Variants in GPC6 observed in about 807,000 individuals in gnomAD.
GPC6 encodes glypican 6.
GPC6 carries 14 observed loss-of-function variants against 55.2 expected under a neutral mutation model. The observed-to-expected ratio is 0.25, with a 90% CI of 0.17 to 0.40. The LOEUF is 0.40. Ranked by LOEUF, GPC6 falls within the 10% of genes least tolerant of loss-of-function variation. GPC6 has a pLI of 1.00. For synonymous variants in GPC6, 278 were observed against 259.6 expected, an observed-to-expected ratio of 1.07 and a Z score of -0.68; for missense variants, 641 against 708.5, an observed-to-expected ratio of 0.90 and a Z score of 1.08.
At position 93,407,090 on chromosome 13, in the gene GPC6, C is replaced by A. The variant is rs140516407; in HGVS notation, c.161-138173C>A. On this transcript the variant is annotated intron_variant, in intron 1 of 8. Transcript: ENST00000377047. ...ATTGTTGTATCACTGTATTGTATCA[C>A]CAATGTTAAGTTTCTTTATGTGATT... 1.9e-3 allele frequency among the ~76,000 whole-genome samples: 293 copies of A among 152,112 alleles called. 2 individuals are homozygous for A. In the Middle Eastern group the frequency reaches 0.048, roughly 25 times the overall value.
intron 1 of GPC6, among the ~76,000 whole-genome samples, chr13:93,345,502 A>G (rs1390698513): frequency 6.6e-6 from 1 of 152,010 alleles, no homozygotes; most frequent in Non-Finnish European, 1.5e-5. Flanking sequence ...TAAATGAATG[A>G]AAAAAAATTA....
At chr13:93,547,049 G>A (rs1874827361) in intron 2 of GPC6, among the ~76,000 whole-genome samples, 2 of 152,022 alleles carry the variant, frequency 1.3e-5, no homozygotes, top group South Asian at 2.1e-4. Flanking sequence ...AGACTGAGCC[G>A]GCCAGGCATG....
At chr13:93,281,776 A>G (rs897192987) in intron 1 of GPC6, among the ~76,000 whole-genome samples, 11 of 152,216 alleles carry the variant, frequency 7.2e-5, no homozygotes, top group Non-Finnish European at 1.6e-4. Context: ...CGATCATGCC[A>G]GTGTACTCCA....
At chr13:93,603,087 G>A (rs1481382028) in intron 2 of GPC6, among the ~76,000 whole-genome samples, 2 of 151,758 alleles carry the variant, frequency 1.3e-5, no homozygotes, top group Non-Finnish European at 2.9e-5. Flanking sequence ...ACAGCTCACT[G>A]TAGCCTCAAC....
At chr13:93,909,699 G>A (rs1291745188) in intron 3 of GPC6, among the ~76,000 whole-genome samples, 2 of 122,696 alleles carry the variant, frequency 1.6e-5, no homozygotes, top group East Asian at 4.5e-4. Context: ...TATATTGAAT[G>A]GAAGCAGAAG....
intron 3 of GPC6, among the ~76,000 whole-genome samples, chr13:93,882,097 C>CT (rs1340566744): frequency 2.0e-5 from 3 of 147,528 alleles, no homozygotes; most frequent in Admixed American, 1.4e-4. Flanking sequence ...TTCTTTCTTT[C>CT]TTTTCTTTCG....
intron 4 of GPC6, among the ~76,000 whole-genome samples, chr13:94,133,571 G>T (rs1264515699): frequency 1.3e-5 from 2 of 152,152 alleles, no homozygotes; most frequent in Non-Finnish European, 2.9e-5. Flanking sequence ...AGAGCACTGA[G>T]AAATTCAGCT....
At chr13:93,472,739 G>A (rs547993626) in intron 1 of GPC6, among the ~76,000 whole-genome samples, 5 of 152,312 alleles carry the variant, frequency 3.3e-5, no homozygotes, top group Admixed American at 2.6e-4. Flanking sequence ...GCATCTTTCT[G>A]CCCTGTTTGT....
chr13:94,039,738 A>G (rs1264084644), intron 4 of GPC6, among the ~76,000 whole-genome samples: 3 of 151,874 alleles, frequency 2.0e-5, no homozygotes, highest in South Asian at 2.1e-4. Context: ...CAACGTAATC[A>G]ACTCTGACAG....
chr13:93,412,365 G>C (rs1326805274), intron 1 of GPC6, among the ~76,000 whole-genome samples: 2 of 152,090 alleles, frequency 1.3e-5, no homozygotes, highest in Non-Finnish European at 2.9e-5. Flanking sequence ...ATTAAAAAAT[G>C]TCAGGCCAAG....
At chr13:93,651,277 G>A (rs1019403711) in intron 2 of GPC6, among the ~76,000 whole-genome samples, 14 of 148,382 alleles carry the variant, frequency 9.4e-5, no homozygotes, top group African/African-American at 3.5e-4. Flanking sequence ...TTTTCATTTC[G>A]TTACTTTAGG....
chr13:93,867,321 A>C (rs1158648951), intron 3 of GPC6, among the ~76,000 whole-genome samples: 1 of 151,712 alleles, frequency 6.6e-6, no homozygotes, highest in Non-Finnish European at 1.5e-5. Context: ...ACATTGAGGT[A>C]GGGCATGACA....
rs1885727910 is a variant in GPC6 at position 94,098,024 on chromosome 13, C to T, written c.877+70130C>T. Among the ~76,000 whole-genome samples the T allele has an allele frequency of 2.0e-5, 3 of 152,294 alleles. No homozygotes were observed. The South Asian group carries it at 6.2e-4, about 32-fold the overall frequency. Reference sequence around the variant, plus strand: ...AACTAAAAGCACTGACACAAGTTCTCAGGCTCTGAGAAAAAATGTAAGTAG... The same window carrying T: ...AACTAAAAGCACTGACACAAGTTCTTAGGCTCTGAGAAAAAATGTAAGTAG... On this transcript the variant is annotated intron_variant, in intron 4 of 8. Transcript: ENST00000377047.
chr13:94,292,715 T>C (rs77078829), intron 5 of GPC6, among the ~76,000 whole-genome samples: 2,383 of 152,270 alleles, frequency 0.016, 31 homozygotes, highest in East Asian at 0.036. Flanking sequence ...TCACATCATA[T>C]CTAGGAGAAG....
chr13:93,273,521 G>A (rs1877617870), intron 1 of GPC6, among the ~76,000 whole-genome samples: 2 of 152,062 alleles, frequency 1.3e-5, no homozygotes, highest in South Asian at 2.1e-4. Context: ...AGCCGGGCGT[G>A]GTGGTGGGCG....
chr13:94,068,759 T>C (rs1266040869), intron 4 of GPC6, among the ~76,000 whole-genome samples: 1 of 152,154 alleles, frequency 6.6e-6, no homozygotes, highest in Non-Finnish European at 1.5e-5. Context: ...TCCAAAATGA[T>C]CTCCTTTGAC....
intron 1 of GPC6, among the ~76,000 whole-genome samples, chr13:93,459,614 C>A (rs1416204246): frequency 3.3e-5 from 5 of 151,926 alleles, no homozygotes; most frequent in Non-Finnish European, 7.4e-5. Flanking sequence ...AGTATGGGTC[C>A]CCGGGTATTC....
intron 2 of GPC6, among the ~76,000 whole-genome samples, chr13:93,555,510 A>C (rs1213198834): frequency 6.6e-6 from 1 of 152,188 alleles, no homozygotes; most frequent in African/African-American, 2.4e-5. Flanking sequence ...GGAACCTTGA[A>C]TTCTCATTAT....
At chr13:94,275,435 C>T (rs558883257) in intron 4 of GPC6, among the ~76,000 whole-genome samples, 24 of 152,026 alleles carry the variant, frequency 1.6e-4, no homozygotes, top group South Asian at 1.0e-3. Context: ...GGCCCTGGGA[C>T]GGTAGAGTAT....
Sources: gnomAD v4.1 joint callset for allele counts (sites outside exome capture counted in the v4.1 genomes callset) on GRCh38, gnomAD v4.1.1 for gene constraint, MANE v1.5 for transcripts, NCBI Gene and HGNC (gene_info 2026-07-23, HGNC 2026-07-21) for gene names.